PLCB4: variants seen among roughly 807,000 people sequenced by gnomAD.
PLCB4 encodes phospholipase C beta 4.
In PLCB4, 77 loss-of-function variants were observed where a neutral mutation model predicts 178.8. That is an observed-to-expected ratio of 0.43 (90% confidence interval 0.36 to 0.52). PLCB4 has a LOEUF of 0.52. PLCB4 is among the 20% of genes least tolerant of loss of function. The probability of loss-of-function intolerance (pLI) is 0.00; values close to 1 mark genes in which losing one functional copy is unlikely to be tolerated. For missense variants in PLCB4, 1,024 were observed against 1,453.4 expected (o/e 0.70, Z 4.80); for synonymous variants, 496 against 490.8 (o/e 1.01, Z -0.14).
intron 4 of PLCB4, among the ~76,000 whole-genome samples, chr20:9,335,782 C>T (rs2032368903): frequency 6.6e-6 from 1 of 152,090 alleles, no homozygotes; most frequent in South Asian, 2.1e-4. Context: ...AAAAATTATA[C>T]CATGCCCTTT....
At chr20:9,247,534 A>G (rs114375863) in intron 3 of PLCB4, among the ~76,000 whole-genome samples, 35 of 152,286 alleles carry the variant, frequency 2.3e-4, no homozygotes, top group African/African-American at 8.2e-4. Context: ...TCTGTTACTA[A>G]CCTTCCTGGG....
chr20:9,413,346 C>T (rs2039993684), intron 25 of PLCB4, among the ~76,000 whole-genome samples: 1 of 149,900 alleles, frequency 6.7e-6, no homozygotes. Context: ...GGCCCAGTGG[C>T]TCACACCTGG....
chr20:9,228,070 T>C (rs1405166430), intron 3 of PLCB4, among the ~76,000 whole-genome samples: 3 of 152,182 alleles, frequency 2.0e-5, no homozygotes, highest in African/African-American at 7.2e-5. Context: ...GCGCACAGAC[T>C]GCTAAGTTAA....
intron 27 of PLCB4, 114 bp from the exon 28 acceptor site, chr20:9,423,634 C>A: frequency 1.3e-6 from 1 of 786,950 alleles, no homozygotes; most frequent in Non-Finnish European, 2.1e-6. Flanking sequence ...CATGGACTTA[C>A]TTTCAACATC....
intron 3 of PLCB4, among the ~76,000 whole-genome samples, chr20:9,260,239 G>GA (rs2094283570): frequency 6.6e-6 from 1 of 151,986 alleles, no homozygotes; most frequent in African/African-American, 2.4e-5. Context: ...CCCAGTTTAA[G>GA]AAAAAATAAA....
chr20:9,187,943 A>G (rs1337731637), intron 2 of PLCB4, among the ~76,000 whole-genome samples: 1 of 152,210 alleles, frequency 6.6e-6, no homozygotes, highest in Non-Finnish European at 1.5e-5. Context: ...TGGGTTATAA[A>G]TATGGCTCTG....
rs139915392 is a variant in PLCB4 at position 9,271,662 on chromosome 20, C to T, written c.-15-36138C>T. Among the ~76,000 whole-genome samples the T allele has an allele frequency of 5.2e-3, 785 of 152,230 alleles. 2 individuals carry two copies. The highest frequency in any genetic ancestry group is 0.02 in the Middle Eastern group (6 of 294). ...CAATGTGAAGTGTGAGTAAATAATA[C>T]ATCCTGCATAAAATGTTTTGTGGAT... On this transcript the variant is annotated intron_variant, in intron 3 of 39. Coordinates refer to ENST00000378473, the MANE Select transcript of PLCB4 (RefSeq NM_001377142.1).
rs747833356 is a variant in PLCB4, at chr20:9,470,894, G to C, written c.3351-1896G>C. 4.8e-4 allele frequency among the ~76,000 whole-genome samples: 73 copies of C among 152,060 alleles called. 1 individual carries two copies. The highest frequency in any genetic ancestry group is 1.0e-4 in the Non-Finnish European group (7 of 67,986). On this transcript the variant is annotated intron_variant, in intron 36 of 39. Coordinates refer to ENST00000378473, the MANE Select transcript of PLCB4 (RefSeq NM_001377142.1). ...GTTCCAAAATATCTACAAATTGGCT[G>C]TTTTTTAAAAAATAATTTTTCTATA... is the stretch of plus-strand genomic sequence containing the variant.
intron 7 of PLCB4, among the ~76,000 whole-genome samples, chr20:9,343,944 A>G (rs865837923): frequency 2.0e-5 from 3 of 152,248 alleles, no homozygotes; most frequent in Non-Finnish European, 2.9e-5. Context: ...GCCCAGGCCA[A>G]TGGTCCAGGC....
chr20:9,205,025 A>T (rs984831719), intron 2 of PLCB4, among the ~76,000 whole-genome samples: 1 of 152,190 alleles, frequency 6.6e-6, no homozygotes, highest in African/African-American at 2.4e-5. Context: ...TTGACTTATG[A>T]TGGTTCTGCT....
intron 3 of PLCB4, among the ~76,000 whole-genome samples, chr20:9,276,315 G>A (rs925611872): frequency 5.3e-5 from 8 of 152,138 alleles, no homozygotes; most frequent in African/African-American, 1.9e-4. Flanking sequence ...GGATGTTCCT[G>A]GGAGGATATT....
chr20:9,246,870 T>G (rs986979299), intron 3 of PLCB4, among the ~76,000 whole-genome samples: 8 of 152,304 alleles, frequency 5.3e-5, no homozygotes, highest in African/African-American at 1.9e-4. Context: ...AGAAGCCTTC[T>G]CAGAATAGTG....
intron 3 of PLCB4, among the ~76,000 whole-genome samples, chr20:9,223,897 A>G (rs562014775): frequency 2.6e-5 from 4 of 152,318 alleles, no homozygotes; most frequent in African/African-American, 9.6e-5. Context: ...GTGGGTAGCT[A>G]GAGTGTACAG....
chr20:9,189,649 C>T lies in PLCB4; in HGVS notation c.-78-27741C>T, dbSNP rs139623915. 2.8e-3 allele frequency among the ~76,000 whole-genome samples: 421 copies of T among 152,290 alleles called. 1 individual carries two copies. The highest frequency in any genetic ancestry group is 7.6e-3 in the African/African-American group (314 of 41,570). ...TACCACAGACTGGGCGATTTATAAA[C>T]AACAGAAAATTATTTCTCATAATTC... On this transcript the variant is annotated intron_variant, in intron 2 of 39. Transcript: ENST00000378473.
At chr20:9,320,275 C>A (rs370986350) in intron 4 of PLCB4, among the ~76,000 whole-genome samples, 1 of 152,162 alleles carries the variant, frequency 6.6e-6, no homozygotes, top group African/African-American at 2.4e-5. Context: ...GGGTAACTTC[C>A]GGACATTGCC....
At chr20:9,410,097 T>C (rs1301022994) in intron 24 of PLCB4, among the ~76,000 whole-genome samples, 1 of 152,264 alleles carries the variant, frequency 6.6e-6, no homozygotes, top group Non-Finnish European at 1.5e-5. Context: ...CCCTGCTATG[T>C]GGATTGAGTG....
chr20:9,120,418 G>T (rs971721411), intron 2 of PLCB4, among the ~76,000 whole-genome samples: 5 of 151,620 alleles, frequency 3.3e-5, no homozygotes, highest in African/African-American at 1.2e-4. Flanking sequence ...GTGAGCCACC[G>T]TACCCAGCCG....
At chr20:9,095,978 A>G (rs541247686) in intron 1 of PLCB4, among the ~76,000 whole-genome samples, 4 of 152,162 alleles carry the variant, frequency 2.6e-5, no homozygotes, top group South Asian at 4.1e-4. Flanking sequence ...GTTTGAAAAT[A>G]TGTCATTGGG....
At position 9,238,534 on chromosome 20, in the gene PLCB4, C is replaced by T. The variant is rs563337556; in HGVS notation, c.-16+21082C>T. On this transcript the variant is annotated intron_variant, in intron 3 of 39. Transcript: ENST00000378473. ...CATTTGAGTCCTTTCTGATATCACG[C>T]TGTCACCAGGCAAGGCCACCTTTCT... Among the ~76,000 whole-genome samples, 189 of 152,332 alleles carry T rather than the reference C, an allele frequency of 1.2e-3. 1 individual carries two copies. Among genetic ancestry groups the T allele is most frequent in the African/African-American group, 2.9e-3 (119 of 41,580 alleles).
Sources: allele counts gnomAD v4.1 joint callset (sites outside exome capture counted in the v4.1 genomes callset), GRCh38; gene constraint gnomAD v4.1.1; transcripts MANE v1.5; gene names NCBI Gene and HGNC (gene_info 2026-07-23, HGNC 2026-07-21).